The following EPS15 variants were observed in gnomAD, a reference collection of about 807,000 sequenced individuals.
EPS15 encodes epidermal growth factor receptor substrate 15.
EPS15 carries 72 observed loss-of-function variants against 113.8 expected under a neutral mutation model. The ratio of observed to expected loss-of-function variants is 0.63; its 90% CI spans 0.52 to 0.77. EPS15 has a LOEUF of 0.77. Among genes scored for constraint, EPS15 ranks in the 30% least tolerant of loss-of-function variants. The probability of loss-of-function intolerance (pLI) is 0.00; values close to 1 mark genes in which losing one functional copy is unlikely to be tolerated. For synonymous variants in EPS15, 344 were observed against 363.4 expected, an observed-to-expected ratio of 0.95 and a Z score of 0.61; for missense variants, 1,048 against 1,045.8, an observed-to-expected ratio of 1.00 and a Z score of -0.03.
At chr1:51,363,828 C>T in intron 23 of EPS15, 38 bp downstream of exon 23, 1 of 1,568,214 alleles carries the variant, frequency 6.4e-7, no homozygotes, top group Non-Finnish European at 8.7e-7. Flanking sequence ...AAGAGAAAAG[C>T]CATGCAGTTG....
intron 8 of EPS15, among the ~76,000 whole-genome samples, chr1:51,453,320 T>C (rs1347023504): frequency 6.6e-6 from 1 of 152,198 alleles, no homozygotes; most frequent in Non-Finnish European, 1.5e-5. Context: ...GTTAAAAATA[T>C]ATATTATTAA....
intron 12 of EPS15, among the ~76,000 whole-genome samples, chr1:51,429,643 G>T (rs866673121): frequency 2.8e-4 from 36 of 129,968 alleles, no homozygotes; most frequent in Non-Finnish European, 4.6e-4. Flanking sequence ...GTTGTTGTTG[G>T]TTTTTTTTTT....
chr1:51,449,818 C>T (rs993864470), intron 8 of EPS15, among the ~76,000 whole-genome samples: 1 of 151,296 alleles, frequency 6.6e-6, no homozygotes, highest in Non-Finnish European at 1.5e-5. Flanking sequence ...TCTTGGGGTA[C>T]GGGAAATTGT....
intron 11 of EPS15, 47 bp from the exon 12 acceptor site, chr1:51,440,479 A>C: frequency 1.1e-6 from 1 of 891,852 alleles, no homozygotes; most frequent in Non-Finnish European, 1.7e-6. Flanking sequence ...AAATTAGGTA[A>C]TATAAGACAA....
In EPS15 at chr1:51,384,294, C is replaced by CTT. The variant is rs201374174; in HGVS notation, c.2119+10085_2119+10086dup. On this transcript the variant is annotated intron_variant, in intron 21 of 24. Transcript: ENST00000371733. The stretch of plus-strand genomic sequence containing the variant: ...CAAAGCAGTCTTTTTCTTTTTCTTT[C>CTT]TTTCTTTTTTTTTTTTTTTTTTTTG... Among the ~76,000 whole-genome samples the CTT allele has an allele frequency of 6.8e-3, 672 of 98,352 alleles. 22 individuals are homozygous for CTT. The highest frequency in any genetic ancestry group is 0.023 in the African/African-American group (581 of 24,856). 64.5% of individuals were successfully genotyped at this position (98,352 alleles called of 152,430 possible).
chr1:51,489,938 A>G (rs1644200938), intron 1 of EPS15, among the ~76,000 whole-genome samples: 3 of 152,232 alleles, frequency 2.0e-5, no homozygotes, highest in South Asian at 4.1e-4. Flanking sequence ...TAGGAAGCCT[A>G]TAACGTGAAA....
At chr1:51,489,286 C>CAT (rs71063034) in intron 1 of EPS15, among the ~76,000 whole-genome samples, 7,405 of 141,556 alleles carry the variant, frequency 0.052, 329 homozygotes, top group Admixed American at 0.14. Context: ...CCTAGTATAC[C>CAT]ATATATATAT....
chr1:51,437,040 C>T (rs1557468381), intron 12 of EPS15, among the ~76,000 whole-genome samples: 1 of 152,054 alleles, frequency 6.6e-6, no homozygotes, highest in Non-Finnish European at 1.5e-5. Context: ...ATCTAATTGG[C>T]ATAATTAAAT....
chr1:51,498,952 CAA>C (rs1166553671), intron 1 of EPS15, among the ~76,000 whole-genome samples: 1 of 152,168 alleles, frequency 6.6e-6, no homozygotes, highest in Non-Finnish European at 1.5e-5. Flanking sequence ...AGGTACGTAT[CAA>C]AGAGTCCTCC....
At chr1:51,374,415 G>A (rs977474689) in intron 21 of EPS15, among the ~76,000 whole-genome samples, 4 of 152,062 alleles carry the variant, frequency 2.6e-5, no homozygotes, top group South Asian at 2.1e-4. Context: ...TCAGGGCTTC[G>A]AGACCAGCCT....
Position 51,354,654 on chromosome 1 carries a change from G to T in EPS15, c.*2046C>A. 5.4e-6 allele frequency: 1 copy of T among 183,988 alleles called. No homozygotes were observed. Among genetic ancestry groups the T allele is most frequent in the Non-Finnish European group, 1.2e-5 (1 of 86,630 alleles). 11.4% of individuals were successfully genotyped at this position (183,988 alleles called of 1,614,324 possible). ...GTCAACAACATAAAATACCACAAAC[G>T]ACTCTAAGACATTCATCCTACACAA... On this transcript the variant is annotated 3_prime_UTR_variant, in exon 25 of 25. Transcript: ENST00000371733.
intron 8 of EPS15, 130 bp downstream of exon 8, chr1:51,460,959 GAA>G (rs75776274): frequency 9.5e-4 from 449 of 472,654 alleles, no homozygotes; most frequent in East Asian, 1.2e-3. Flanking sequence ...GTCTCAAAAA[GAA>G]AAAAAAAAAA....
chr1:51,394,462 CA>C lies in EPS15; in HGVS notation c.2053-16del. ...AACGTTTCTACCTAAACAAAGCATA[CA>C]AAACCATGAATGAGAGAGGCAACAC... On this transcript the variant is annotated splice_polypyrimidine_tract_variant and intron_variant, in intron 20 of 24. Transcript: ENST00000371733. 6 of 1,573,934 alleles carry C rather than the reference CA, an allele frequency of 3.8e-6. No individual in the cohort carries two copies. Among genetic ancestry groups the C allele is most frequent in the Non-Finnish European group, 5.2e-6 (6 of 1,152,676 alleles).
chr1:51,511,667 C>CA (rs1644623997), intron 1 of EPS15, among the ~76,000 whole-genome samples: 1 of 152,124 alleles, frequency 6.6e-6, no homozygotes, highest in Admixed American at 6.6e-5. Flanking sequence ...CCCTACAATG[C>CA]ACAGAACAGC....
At chr1:51,403,255 A>G (rs1375152777) in intron 17 of EPS15, among the ~76,000 whole-genome samples, 164 bp downstream of exon 17, 2 of 152,144 alleles carry the variant, frequency 1.3e-5, no homozygotes, top group Non-Finnish European at 2.9e-5. Context: ...CACAAGTGGA[A>G]TTTTGTTACA....
At chr1:51,382,163 T>C (rs1306213685) in intron 21 of EPS15, 1 of 152,190 alleles carries the variant, frequency 6.6e-6, no homozygotes, top group African/African-American at 2.4e-5. Flanking sequence ...TGAACAATTA[T>C]ACATCAACAA....
intron 2 of EPS15, among the ~76,000 whole-genome samples, chr1:51,480,448 C>A (rs890016978): frequency 7.2e-5 from 11 of 152,174 alleles, no homozygotes; most frequent in African/African-American, 2.4e-4. Flanking sequence ...CTGTCCATAC[C>A]AACACAAATG....
chr1:51,486,848 T>A (rs1344778226), intron 1 of EPS15, among the ~76,000 whole-genome samples: 1 of 152,010 alleles, frequency 6.6e-6, no homozygotes, highest in African/African-American at 2.4e-5. Flanking sequence ...TGTGTATTTT[T>A]AGTAGAGACG....
intron 12 of EPS15, among the ~76,000 whole-genome samples, chr1:51,434,297 T>A (rs943422260): frequency 6.6e-6 from 1 of 152,172 alleles, no homozygotes. Flanking sequence ...ACAACCCAAA[T>A]GTCCATCAAT....
Sources: gnomAD v4.1 joint callset for allele counts (sites outside exome capture counted in the v4.1 genomes callset) on GRCh38, gnomAD v4.1.1 for gene constraint, MANE v1.5 for transcripts, NCBI Gene and HGNC (gene_info 2026-07-23, HGNC 2026-07-21) for gene names.